SASH1: variants seen among roughly 807,000 people sequenced by gnomAD.
SASH1 encodes SAM and SH3 domain-containing protein 1.
Under a neutral mutation model 125.2 loss-of-function variants are expected in SASH1, and 44 were observed. The ratio of observed to expected loss-of-function variants is 0.35; its 90% CI spans 0.28 to 0.45. The LOEUF (loss-of-function observed/expected upper bound fraction) is 0.45. Ranked by LOEUF, SASH1 falls within the 20% of genes least tolerant of loss-of-function variation. The pLI is 1.00. For synonymous variants in SASH1, 639 were observed against 649.1 expected, an observed-to-expected ratio of 0.98 and a Z score of 0.24; for missense variants, 1,426 against 1,614.5, an observed-to-expected ratio of 0.88 and a Z score of 2.00.
In SASH1 at chr6:148,544,755, G is replaced by A. The variant is rs201888149; in HGVS notation, c.3285G>A (p.Thr1095=). 8.1e-6 allele frequency: 13 copies of A among 1,605,884 alleles called. No homozygotes were observed. Among genetic ancestry groups the A allele is most frequent in the African/African-American group, 5.3e-5 (4 of 74,964 alleles). The change falls in exon 18 of 20, where the codon ACG becomes ACA. Residue 1095 remains threonine, a synonymous_variant. Coordinates refer to ENST00000367467, the MANE Select transcript of SASH1 (RefSeq NM_015278.5). This position sits in a 1 kb window ranked among gnomAD's most constrained non-coding sequence, Gnocchi z 6.4. ...GTGCCCGGGGAGTGGATCTAGAAACGCTCACTGAAAACAAGCTGCACGCTG... is the reference window on the plus strand; with the variant it reads ...GTGCCCGGGGAGTGGATCTAGAAACACTCACTGAAAACAAGCTGCACGCTG... ...VSCARGVDLE[T]LTENKLHAEG... is the part of the protein sequence containing the mutation.
At chr6:148,211,993 G>A in the SASH1 span, among the ~76,000 whole-genome samples, 2 of 152,208 alleles carry the variant, frequency 1.3e-5, no homozygotes, top group Non-Finnish European at 2.9e-5. Flanking sequence ...GGGCATACTT[G>A]GGTGGGACTG....
intron 7 of SASH1, among the ~76,000 whole-genome samples, chr6:148,487,112 C>CACATATATAT (rs773423176): frequency 2.5e-5 from 3 of 120,660 alleles, no homozygotes; most frequent in African/African-American, 9.5e-5. Flanking sequence ...CACACACACA[C>CACATATATAT]ATATATATAT....
rs150821147 is a variant in SASH1 at position 148,304,470 on chromosome 6, G to T, written n.74+32093G>T. Among the ~76,000 whole-genome samples the T allele has an allele frequency of 2.0e-5, 3 of 149,642 alleles. No individual in the cohort carries two copies. In the East Asian group the frequency reaches 5.9e-4, roughly 29 times the overall value. Reference sequence around the variant, plus strand: ...AGAAAAGAAAAAAAAAATTAGCCGGGCATGGTGGTGGGCGCCTATAATCCT... The same window carrying T: ...AGAAAAGAAAAAAAAAATTAGCCGGTCATGGTGGTGGGCGCCTATAATCCT... On this transcript the variant is annotated intron_variant and non_coding_transcript_variant, in intron 1 of 3. Coordinates refer to the SASH1 transcript ENST00000367469.
Position 148,550,524 on chromosome 6 carries a change from T to C in SASH1, c.*1966T>C, listed in dbSNP as rs1392006125. On this transcript the variant is annotated 3_prime_UTR_variant, in exon 20 of 20. Transcript: ENST00000367467. ...TAAAAAATAATGCATGTTTCTTTAA[T>C]AATTAATTTTCATCTTCTATAAGAT... 2 of 152,256 alleles carry C rather than the reference T, an allele frequency of 1.3e-5. No homozygotes were observed. The highest frequency in any genetic ancestry group is 4.8e-5 in the African/African-American group (2 of 41,472). The allele number at this position is 152,256 out of a possible 1,614,324, so 9.4% of individuals were successfully genotyped here.
chr6:148,327,793 T>C (rs1170940903), intron 1 of SASH1, among the ~76,000 whole-genome samples: 3 of 150,504 alleles, frequency 2.0e-5, no homozygotes, highest in Admixed American at 6.6e-5. Flanking sequence ...ATACAAAAAT[T>C]AGCTGGAGGT....
At chr6:148,512,882 A>T (rs1028378) in intron 8 of SASH1, 2 of 984,988 alleles carry the variant, frequency 2.0e-6, no homozygotes, top group Non-Finnish European at 2.4e-6. Flanking sequence ...ATAGTTAACC[A>T]TAAGTGGGTA....
chr6:148,511,848 T>A (rs1352504452), intron 8 of SASH1, among the ~76,000 whole-genome samples: 2 of 151,982 alleles, frequency 1.3e-5, no homozygotes, highest in Admixed American at 6.6e-5. Flanking sequence ...TTTCTCTTAC[T>A]GCCCACTGTC....
At chr6:148,218,356 A>G in the SASH1 span, among the ~76,000 whole-genome samples, 1 of 152,364 alleles carries the variant, frequency 6.6e-6, no homozygotes, top group African/African-American at 2.4e-5. Flanking sequence ...ACCCAAAAAC[A>G]TAACCTAACA....
At chr6:148,459,380 C>A (rs1777512532) in intron 4 of SASH1, among the ~76,000 whole-genome samples, 1 of 152,202 alleles carries the variant, frequency 6.6e-6, no homozygotes. Context: ...GGCCCAGACA[C>A]AACCAGACCA....
intron 1 of SASH1, among the ~76,000 whole-genome samples, chr6:148,334,587 G>A (rs1480923341): frequency 5.9e-5 from 9 of 151,900 alleles, no homozygotes; most frequent in East Asian, 3.9e-4. Flanking sequence ...CGAGGCAGGC[G>A]GATCACCTGA....
the SASH1 span, among the ~76,000 whole-genome samples, chr6:148,249,717 A>C: frequency 6.6e-6 from 1 of 152,172 alleles, no homozygotes; most frequent in Non-Finnish European, 1.5e-5. Context: ...TAAGCACTTT[A>C]TGTACATTAC....
chr6:148,197,846 G>A, the SASH1 span, among the ~76,000 whole-genome samples: 20 of 151,880 alleles, frequency 1.3e-4, no homozygotes, highest in Non-Finnish European at 1.9e-4. Context: ...AGATCTGGTG[G>A]GTTTTGTTTT....
intron 2 of SASH1, among the ~76,000 whole-genome samples, chr6:148,416,905 C>G (rs929973764): frequency 1.2e-4 from 18 of 152,170 alleles, no homozygotes; most frequent in Admixed American, 1.0e-3. Context: ...TGGGGATTTA[C>G]TGGAAAGACT....
In SASH1 at chr6:148,434,233, C is replaced by T. The variant is rs538273305; in HGVS notation, c.286-5951C>T. ...CTGGGACTACAGGCGCCCGCCACCA[C>T]GCCAGGCTAATTTTTTGTATTTTAG... is the stretch of plus-strand genomic sequence containing the variant. On this transcript the variant is annotated intron_variant, in intron 2 of 19. Coordinates refer to ENST00000367467, the MANE Select transcript of SASH1 (RefSeq NM_015278.5). 4.6e-5 allele frequency among the ~76,000 whole-genome samples: 7 copies of T among 151,892 alleles called. No homozygotes were observed. The South Asian group carries it at 6.3e-4, about 14-fold the overall frequency.
intron 2 of SASH1, among the ~76,000 whole-genome samples, chr6:148,421,208 A>AGAAG (rs1562396904): frequency 2.2e-5 from 3 of 138,344 alleles, no homozygotes; most frequent in Middle Eastern, 3.2e-3. Context: ...AAAGAAAGAA[A>AGAAG]GAAAGAAAAA....
At chr6:148,342,780 T>A (rs1163415792), upstream of SASH1, 1 of 152,708 alleles carries the variant, frequency 6.5e-6, no homozygotes, top group African/African-American at 2.4e-5. Context: ...TTCCCCGCCG[T>A]ACAACTCAGT....
At chr6:148,410,256 G>A (rs917620211) in intron 2 of SASH1, among the ~76,000 whole-genome samples, 9 of 151,186 alleles carry the variant, frequency 6.0e-5, no homozygotes, top group African/African-American at 1.2e-4. Flanking sequence ...GATTACAGGC[G>A]CCCGCCACCA....
At chr6:148,216,002 C>T in the SASH1 span, among the ~76,000 whole-genome samples, 11 of 152,070 alleles carry the variant, frequency 7.2e-5, no homozygotes, top group South Asian at 2.1e-4. Context: ...GGATTACAGG[C>T]GCCCGCCACC....
intron 1 of SASH1, among the ~76,000 whole-genome samples, chr6:148,329,091 T>C (rs1359300418): frequency 2.6e-5 from 4 of 152,234 alleles, no homozygotes; most frequent in Non-Finnish European, 5.9e-5. Context: ...TTTTTCTTAA[T>C]GGATAGACTG....
Sources: allele counts gnomAD v4.1 joint callset (sites outside exome capture counted in the v4.1 genomes callset), GRCh38; gene constraint gnomAD v4.1.1; non-coding constraint Gnocchi (gnomAD v3.1); transcripts MANE v1.5; gene names NCBI Gene and HGNC (gene_info 2026-07-23, HGNC 2026-07-21).